The following PIK3C2A variants were observed in gnomAD, a reference collection of about 807,000 sequenced individuals.
The protein encoded by PIK3C2A is phosphatidylinositol 4-phosphate 3-kinase C2 domain-containing subunit alpha.
Under a neutral mutation model 204.5 loss-of-function variants are expected in PIK3C2A, and 97 were observed. The ratio of observed to expected loss-of-function variants is 0.47; its 90% CI spans 0.40 to 0.56. The LOEUF is 0.56. Among genes scored for constraint, PIK3C2A ranks in the 20% least tolerant of loss-of-function variants. The pLI is 0.00. For missense variants in PIK3C2A, 1,735 were observed against 1,969.2 expected, an observed-to-expected ratio of 0.88 and a Z score of 2.25; for synonymous variants, 653 against 664.4, an observed-to-expected ratio of 0.98 and a Z score of 0.26.
At chr11:17,154,922 T>C (rs1402042697) in intron 3 of PIK3C2A, among the ~76,000 whole-genome samples, 1 of 152,190 alleles carries the variant, frequency 6.6e-6, no homozygotes, top group East Asian at 1.9e-4. Context: ...TCACAACTAA[T>C]ATAGTGATAT....
intron 9 of PIK3C2A, among the ~76,000 whole-genome samples, chr11:17,135,798 T>C (rs1330765258): frequency 6.6e-6 from 1 of 152,074 alleles, no homozygotes; most frequent in Non-Finnish European, 1.5e-5. Context: ...ATAGGATCTT[T>C]CTGAGAATGC....
chr11:17,102,293 C>T (rs987064270), intron 24 of PIK3C2A, among the ~76,000 whole-genome samples: 20 of 152,076 alleles, frequency 1.3e-4, no homozygotes, highest in Middle Eastern at 3.4e-3. Context: ...AAAAATTAGC[C>T]GGGCGTGGTG....
chr11:17,149,037 T>C (rs542195019), intron 4 of PIK3C2A, among the ~76,000 whole-genome samples: 25 of 152,304 alleles, frequency 1.6e-4, no homozygotes, highest in African/African-American at 5.5e-4. Flanking sequence ...GTTCTGCATC[T>C]GTGGATTCAC....
At chr11:17,098,250 T>C (rs1305601356) in intron 26 of PIK3C2A, among the ~76,000 whole-genome samples, 2 of 152,198 alleles carry the variant, frequency 1.3e-5, no homozygotes, top group East Asian at 3.8e-4. Flanking sequence ...GCCCCAACAC[T>C]GCCACTGTAT....
chr11:17,133,264 CGT>C (rs147571781), intron 11 of PIK3C2A, among the ~76,000 whole-genome samples: 53 of 149,288 alleles, frequency 3.6e-4, no homozygotes, highest in African/African-American at 4.4e-4. Context: ...TATGTACAAA[CGT>C]GTGTGTGTGT....
chr11:17,203,839 G>A (rs1453539330), intron 1 of PIK3C2A, among the ~76,000 whole-genome samples: 1 of 152,120 alleles, frequency 6.6e-6, no homozygotes, highest in Non-Finnish European at 1.5e-5. Flanking sequence ...TTGGGAGGCC[G>A]AGGCGGGCAG....
intron 3 of PIK3C2A, among the ~76,000 whole-genome samples, chr11:17,153,696 A>G (rs1850491575): frequency 6.6e-6 from 1 of 152,200 alleles, no homozygotes; most frequent in Admixed American, 6.5e-5. Context: ...TCTGTTTTGT[A>G]TTTTATCTTA....
At chr11:17,193,719 G>A (rs1017964871) in intron 1 of PIK3C2A, among the ~76,000 whole-genome samples, 12 of 151,308 alleles carry the variant, frequency 7.9e-5, no homozygotes, top group Middle Eastern at 3.4e-3. Flanking sequence ...GATGGCGCGC[G>A]TCTGTAGTCC....
At chr11:17,207,744 G>C (rs1852639855) in intron 1 of PIK3C2A, 104 bp downstream of exon 1, 1 of 152,250 alleles carries the variant, frequency 6.6e-6, no homozygotes, top group Non-Finnish European at 1.5e-5. Flanking sequence ...GGCACTGGGG[G>C]CCGCGACAAG....
intron 1 of PIK3C2A, among the ~76,000 whole-genome samples, chr11:17,184,470 T>G (rs898976657): frequency 6.6e-6 from 1 of 151,932 alleles, no homozygotes; most frequent in Non-Finnish European, 1.5e-5. Context: ...TAAAAAAAAA[T>G]TTAAAATTTA....
intron 12 of PIK3C2A, among the ~76,000 whole-genome samples, 190 bp from the exon 13 acceptor site, chr11:17,129,657 T>C (rs570100890): frequency 1.4e-4 from 22 of 152,374 alleles, no homozygotes; most frequent in Admixed American, 9.8e-4. Context: ...AATGGCACGA[T>C]CTTGGCTCAC....
chr11:17,093,286 A>G (rs1848360794), intron 28 of PIK3C2A, among the ~76,000 whole-genome samples: 1 of 152,246 alleles, frequency 6.6e-6, no homozygotes, highest in Non-Finnish European at 1.5e-5. Flanking sequence ...TATTTTTTTG[A>G]GACGGAGTCT....
intron 1 of PIK3C2A, chr11:17,193,911 A>AGAAAC (rs1852044386): frequency 7.6e-6 from 2 of 264,802 alleles, no homozygotes; most frequent in Non-Finnish European, 1.4e-5. Context: ...AGAAAAGAAA[A>AGAAAC]GAAAAGAAAC....
chr11:17,154,948 T>C (rs1314017591), intron 3 of PIK3C2A, among the ~76,000 whole-genome samples: 1 of 152,156 alleles, frequency 6.6e-6, no homozygotes, highest in Non-Finnish European at 1.5e-5. Context: ...GAAGAAAACA[T>C]GCTTAACCAG....
intron 6 of PIK3C2A, 52 bp downstream of exon 6, chr11:17,147,465 A>G (rs2137427568): frequency 2.0e-6 from 2 of 1,002,666 alleles, no homozygotes; most frequent in Middle Eastern, 2.1e-4. Flanking sequence ...GCAAATTAGC[A>G]GAATTATTCA....
At chr11:17,182,905 T>C (rs1249657674) in intron 1 of PIK3C2A, among the ~76,000 whole-genome samples, 3 of 152,162 alleles carry the variant, frequency 2.0e-5, no homozygotes. Flanking sequence ...AGCAGCATGA[T>C]CACAGTTCAC....
chr11:17,139,948 C>T (rs1287281159), intron 8 of PIK3C2A, among the ~76,000 whole-genome samples: 1 of 152,168 alleles, frequency 6.6e-6, no homozygotes, highest in Non-Finnish European at 1.5e-5. Flanking sequence ...TCCACGGCAC[C>T]TAAAATTCCT....
At chr11:17,148,612 A>T in intron 5 of PIK3C2A, 55 bp downstream of exon 5, 1 of 1,534,712 alleles carries the variant, frequency 6.5e-7, no homozygotes, top group Non-Finnish European at 8.9e-7. Context: ...TTTCTAGATT[A>T]AACCATTAAA....
chr11:17,101,230 T>A, intron 25 of PIK3C2A, 48 bp downstream of exon 25: 1 of 1,042,944 alleles, frequency 9.6e-7, no homozygotes, highest in Non-Finnish European at 1.4e-6. Context: ...TATTGAAACA[T>A]AGATGCATTA....
Sources: allele counts gnomAD v4.1 joint callset (sites outside exome capture counted in the v4.1 genomes callset), GRCh38; gene constraint gnomAD v4.1.1; transcripts MANE v1.5; gene names NCBI Gene and HGNC (gene_info 2026-07-23, HGNC 2026-07-21).